Variants in ABCB9 observed in about 807,000 individuals in gnomAD.
ABCB9 encodes the protein ATP binding cassette subfamily B member 9.
Under a neutral mutation model 62.0 loss-of-function variants are expected in ABCB9, and 36 were observed. The observed-to-expected ratio is 0.58, with a 90% CI of 0.45 to 0.77. The LOEUF (loss-of-function observed/expected upper bound fraction) is 0.77. Ranked by LOEUF, ABCB9 falls within the 30% of genes least tolerant of loss-of-function variation. The probability of loss-of-function intolerance (pLI) is 0.00; values close to 1 mark genes in which losing one functional copy is unlikely to be tolerated. For missense variants in ABCB9, 943 were observed against 1,054.7 expected, an observed-to-expected ratio of 0.89 and a Z score of 1.47; for synonymous variants, 435 against 461.4, an observed-to-expected ratio of 0.94 and a Z score of 0.73.
At chr12:122,954,270 G>A (rs1172376666) in intron 2 of ABCB9, among the ~76,000 whole-genome samples, 1 of 151,882 alleles carries the variant, frequency 6.6e-6, no homozygotes, top group African/African-American at 2.4e-5. Flanking sequence ...ATGCAATGGT[G>A]CGATCTCCAC....
chr12:122,934,327 C>G (rs1208547646), intron 10 of ABCB9, among the ~76,000 whole-genome samples: 1 of 152,116 alleles, frequency 6.6e-6, no homozygotes, highest in Non-Finnish European at 1.5e-5. Context: ...ATCTTTTGAT[C>G]AACATCTCCC....
At chr12:122,963,971 G>A (rs778458394) in intron 1 of ABCB9, among the ~76,000 whole-genome samples, 21 of 152,174 alleles carry the variant, frequency 1.4e-4, no homozygotes, top group Non-Finnish European at 2.1e-4. Context: ...TGCAGAGGCC[G>A]TGGGGAGCGA....
intron 11 of ABCB9, among the ~76,000 whole-genome samples, chr12:122,921,587 G>C (rs1433040537): frequency 6.6e-6 from 1 of 152,114 alleles, no homozygotes; most frequent in African/African-American, 2.4e-5. Context: ...GACCAGCCTG[G>C]CCAACATGAT....
Position 122,932,138 on chromosome 12 carries a change from C to CT in ABCB9, c.2040+53dup. 1 of 1,549,992 alleles carries CT rather than the reference C, an allele frequency of 6.5e-7. No homozygotes were observed. Among genetic ancestry groups the CT allele is most frequent in the Non-Finnish European group, 8.7e-7 (1 of 1,147,008 alleles). ...ATCCATCTGCTGGGCGATGGGGGCT[C>CT]TGGCCACCTGGAGCCGCTCCTGCCC... is the stretch of plus-strand genomic sequence containing the variant. On this transcript the variant is annotated intron_variant, in intron 11 of 11. Coordinates refer to ENST00000280560, the MANE Select transcript of ABCB9 (RefSeq NM_019625.4). The surrounding 1 kb of genome is among the most constrained non-coding windows in gnomAD (Gnocchi z 4.7).
intron 1 of ABCB9, among the ~76,000 whole-genome samples, chr12:122,973,610 C>CA (rs2037321584): frequency 1.8e-5 from 1 of 55,350 alleles, no homozygotes; most frequent in African/African-American, 7.1e-5. Context: ...AAAAAAAAAA[C>CA]AAAAACTTTG....
Position 122,930,307 on chromosome 12 carries a change from T to C in ABCB9, c.2041-136A>G. 2 of 910,278 alleles carry C rather than the reference T, an allele frequency of 2.2e-6. 1 individual carries two copies. The highest frequency in any genetic ancestry group is 3.6e-5 in the South Asian group (2 of 55,628). The allele number at this position is 910,278 out of a possible 1,614,324, so 56.4% of individuals were successfully genotyped here. On this transcript the variant is annotated intron_variant, in intron 11 of 11. Coordinates refer to ENST00000280560, the MANE Select transcript of ABCB9 (RefSeq NM_019625.4). The surrounding 1 kb of genome is among the most constrained non-coding windows in gnomAD (Gnocchi z 4.9). ...AAACGATGGCCAGCTTCCTGGGTTT[T>C]TCTTAAAGGGAGACAGCTCAGGGCC...
At position 122,930,119 on chromosome 12, in the gene ABCB9, G is replaced by A. The variant is rs1275195096; in HGVS notation, c.2093C>T (p.Ala698Val). The A allele has an allele frequency of 4.5e-6, 7 of 1,554,896 alleles. No individual in the cohort carries two copies. Among genetic ancestry groups the A allele is most frequent in the East Asian group, 4.8e-5 (2 of 41,242 alleles). Residue 698 changes from alanine to valine, a missense_variant, in exon 12 of 12, where the codon GCG becomes GTG. By Grantham distance (64) the Ala-to-Val change is moderately conservative. Transcript: ENST00000280560. This position sits in a 1 kb window ranked among gnomAD's most constrained non-coding sequence, Gnocchi z 4.9. ...GTGCTCCACGGTGCTCAGCCGGTGC[G>A]CGATGATGAGTACCGTGTGCTTCTG... ...NLQKHTVLII[A>V]HRLSTVEHAH...
At chr12:122,942,423 A>G (rs942460343) in intron 7 of ABCB9, among the ~76,000 whole-genome samples, 10 of 139,812 alleles carry the variant, frequency 7.2e-5, no homozygotes, top group Non-Finnish European at 1.0e-4. Context: ...CCCCATTTCT[A>G]CTGAAAATAC....
chr12:122,940,829 C>T lies in ABCB9; in HGVS notation c.1547G>A (p.Arg516Gln), dbSNP rs781606652. ...FENVTFTYRT[R>Q]PHTQVLQNVS... ...CACCTGCAGGACCTGGGTGTGGGGC[C>T]GAGTGCGGTAGGTGAAGGTCACATT... The change falls in exon 8 of 12, where the codon CGG (arginine) becomes CAG (glutamine). Residue 516 changes from arginine (R) to glutamine (Q), a missense_variant. Coordinates refer to ENST00000280560, the MANE Select transcript of ABCB9 (RefSeq NM_019625.4). This position sits in a 1 kb window ranked among gnomAD's most constrained non-coding sequence, Gnocchi z 4.8. 7.5e-6 allele frequency: 12 copies of T among 1,599,036 alleles called. No homozygotes were observed. The highest frequency in any genetic ancestry group is 3.3e-5 in the South Asian group (3 of 89,776).
Position 122,935,444 on chromosome 12 carries a change from G to A in ABCB9, c.1744-13C>T, listed in dbSNP as rs758201231. ...TCACCAGGGAGATCTGGGGAGGAGGGAGCATGGAGCATGAGAGGCCAGGAA... is the reference window on the plus strand; with the variant it reads ...TCACCAGGGAGATCTGGGGAGGAGGAAGCATGGAGCATGAGAGGCCAGGAA... On this transcript the variant is annotated splice_polypyrimidine_tract_variant and intron_variant, in intron 9 of 11. Coordinates refer to ENST00000280560, the MANE Select transcript of ABCB9 (RefSeq NM_019625.4). The A allele has an allele frequency of 1.2e-6, 2 of 1,610,502 alleles. No individual in the cohort carries two copies. The highest frequency in any genetic ancestry group is 1.7e-5 in the Admixed American group (1 of 59,696).
intron 2 of ABCB9, chr12:122,952,864 C>A (rs1300091224): frequency 1.3e-5 from 2 of 152,284 alleles, no homozygotes; most frequent in Non-Finnish European, 2.9e-5. Context: ...AAGTCATTAA[C>A]CTCACTGGGA....
Position 122,932,804 on chromosome 12 carries a change from A to C in ABCB9, c.1904-476T>G, listed in dbSNP as rs1353936661. On this transcript the variant is annotated intron_variant, in intron 10 of 11. Coordinates refer to ENST00000280560, the MANE Select transcript of ABCB9 (RefSeq NM_019625.4). The surrounding 1 kb of genome is among the most constrained non-coding windows in gnomAD (Gnocchi z 4.7). The stretch of plus-strand genomic sequence containing the variant: ...CTTCCTCCCATGCACAACAATATAG[A>C]CACAGGTCACCTGTGACCCACAGCG... 6.6e-6 allele frequency among the ~76,000 whole-genome samples: 1 copy of C among 152,170 alleles called. No individual in the cohort carries two copies.
chr12:122,923,349 G>T (rs1435775081), intron 11 of ABCB9, among the ~76,000 whole-genome samples: 2 of 152,076 alleles, frequency 1.3e-5, no homozygotes, highest in Admixed American at 6.6e-5. Context: ...GTGCAGTGGC[G>T]CGACCTCCAC....
intron 2 of ABCB9, chr12:122,952,505 C>T (rs1270569913): frequency 6.6e-6 from 1 of 152,198 alleles, no homozygotes; most frequent in East Asian, 1.9e-4. Context: ...CTGCTGGGAC[C>T]ATGAGGTGGC....
rs928898505 is a variant in ABCB9 at position 122,929,320 on chromosome 12, C to T, written c.*591G>A. ...CAGTGAGACTGGCTTAGATTGGCAG[C>T]GGGCGATGGCAGACAGATGCCCTCC... On this transcript the variant is annotated 3_prime_UTR_variant, in exon 12 of 12. Coordinates refer to ENST00000280560, the MANE Select transcript of ABCB9 (RefSeq NM_019625.4). The surrounding 1 kb of genome is among the most constrained non-coding windows in gnomAD (Gnocchi z 6.0). 1.6e-5 allele frequency: 16 copies of T among 985,828 alleles called. No homozygotes were observed. Among genetic ancestry groups the T allele is most frequent in the Admixed American group, 6.2e-5 (1 of 16,258 alleles). 61.1% of individuals were successfully genotyped at this position (985,828 alleles called of 1,614,324 possible).
downstream of ABCB9, among the ~76,000 whole-genome samples, chr12:122,920,528 A>C (rs1407709855): frequency 6.6e-6 from 1 of 152,084 alleles, no homozygotes; most frequent in Non-Finnish European, 1.5e-5. Context: ...AGGTTACTTA[A>C]CCTCATTTTT....
rs1191608351 is a variant in ABCB9 at position 122,959,695 on chromosome 12, T to G, written c.541A>C (p.Thr181Pro). 1.9e-6 allele frequency: 3 copies of G among 1,607,216 alleles called. No individual in the cohort carries two copies. The highest frequency in any genetic ancestry group is 2.6e-6 in the Non-Finnish European group (3 of 1,175,542). ...ACGAGGAAGGCCACGTCGGGCTTGG[T>G]GTAGGAGAGCAGCTTCTGCAGCGTG... ...GATLQKLLSY[T>P]KPDVAFLVAA... The change falls in exon 2 of 12, where the codon ACC (threonine) becomes CCC (proline). Residue 181 changes from threonine (T) to proline (P), a missense_variant. By Grantham distance (38) the Thr-to-Pro change is conservative. Transcript: ENST00000280560. This position sits in a 1 kb window ranked among gnomAD's most constrained non-coding sequence, Gnocchi z 5.4.
At chr12:122,926,042 G>A (rs1345261712), downstream of ABCB9, among the ~76,000 whole-genome samples, 1 of 152,186 alleles carries the variant, frequency 6.6e-6, no homozygotes, top group Non-Finnish European at 1.5e-5. Flanking sequence ...GGGCCAATCT[G>A]CAGAGCCAGA....
chr12:122,969,715 C>T (rs141719699), upstream of ABCB9, among the ~76,000 whole-genome samples: 30 of 145,686 alleles, frequency 2.1e-4, no homozygotes, highest in Non-Finnish European at 2.5e-4. Flanking sequence ...CCAGCCTGGG[C>T]GACAGAGACC....
Sources: gnomAD v4.1 joint callset for allele counts (sites outside exome capture counted in the v4.1 genomes callset) on GRCh38, gnomAD v4.1.1 for gene constraint, Gnocchi (gnomAD v3.1) non-coding constraint, MANE v1.5 for transcripts, NCBI Gene and HGNC (gene_info 2026-07-23, HGNC 2026-07-21) for gene names.